Variants in KMT2C observed in about 807,000 individuals in gnomAD.
The protein encoded by KMT2C is histone-lysine N-methyltransferase 2C.
A neutral mutation model predicts 507.9 loss-of-function variants in KMT2C; 88 were observed. The observed-to-expected ratio is 0.17, with a 90% CI of 0.15 to 0.21. KMT2C has a LOEUF of 0.21. Ranked by LOEUF, KMT2C falls within the 10% of genes least tolerant of loss-of-function variation. The pLI is 1.00. For synonymous variants in KMT2C, 2,049 were observed against 2,080.8 expected, an observed-to-expected ratio of 0.98 and a Z score of 0.42; for missense variants, 4,954 against 5,957.8, an observed-to-expected ratio of 0.83 and a Z score of 5.55.
chr7:152,147,124 T>C (rs1268936099), intron 52 of KMT2C, among the ~76,000 whole-genome samples: 2 of 152,220 alleles, frequency 1.3e-5, no homozygotes, highest in Non-Finnish European at 2.9e-5. Context: ...TAAATTGATA[T>C]TTTCTTTGGA....
intron 1 of KMT2C, among the ~76,000 whole-genome samples, chr7:152,434,568 C>G (rs1388081821): frequency 6.6e-6 from 1 of 152,130 alleles, no homozygotes; most frequent in Non-Finnish European, 1.5e-5. Flanking sequence ...CTTCCACTCC[C>G]GACAGTTCAA....
intron 1 of KMT2C, among the ~76,000 whole-genome samples, chr7:152,364,506 G>T (rs995303163): frequency 6.6e-6 from 1 of 151,824 alleles, no homozygotes; most frequent in South Asian, 2.1e-4. Flanking sequence ...CTATTTGGGA[G>T]GCTGAGGCAG....
chr7:152,435,536 G>T, intron 1 of KMT2C, 90 bp downstream of exon 1: 2 of 726,150 alleles, frequency 2.8e-6, no homozygotes, highest in Non-Finnish European at 3.4e-6. Context: ...GGGGCGCCGG[G>T]GCGCGGAGGC....
At chr7:152,380,328 G>A (rs1411156513) in intron 1 of KMT2C, among the ~76,000 whole-genome samples, 1 of 152,148 alleles carries the variant, frequency 6.6e-6, no homozygotes, top group Admixed American at 6.5e-5. Context: ...AGCACTTTGG[G>A]AGGCCGAGGC....
At position 152,182,020 on chromosome 7, in the gene KMT2C, G is replaced by A. The variant is rs756054369; in HGVS notation, c.5840C>T (p.Ser1947Phe). 6.2e-7 allele frequency: 1 copy of A among 1,614,032 alleles called. No homozygotes were observed. The highest frequency in any genetic ancestry group is 8.5e-7 in the Non-Finnish European group (1 of 1,180,022). ...QMNETTANRP[S>F]PVRDLCSSST... ...AGAAGAACATAAATCTCTGACAGGG[G>A]ATGGCCTATTTGCTGTTGTCTCATT... Residue 1947 changes from serine to phenylalanine, a missense_variant, in exon 36 of 59, where the codon TCC becomes TTC. By Grantham distance (155) the Ser-to-Phe change is radical. Around this residue, in one of 29 missense-constraint regions of KMT2C, gnomAD observed 1,689 missense variants for 1,654.3 expected, o/e 1.02. Transcript: ENST00000262189.
In KMT2C at chr7:152,185,542, G is replaced by C; in HGVS notation, c.5082+16C>G. On this transcript the variant is annotated intron_variant, in intron 34 of 58. Coordinates refer to ENST00000262189, the MANE Select transcript of KMT2C (RefSeq NM_170606.3). ...GTATTTAAATATTTAAAAGATAGAG[G>C]AGTTTCTTAAAATACCACATATGGT... 4 of 1,593,142 alleles carry C rather than the reference G, an allele frequency of 2.5e-6. No individual in the cohort carries two copies. Among genetic ancestry groups the C allele is most frequent in the South Asian group, 1.1e-5 (1 of 90,616 alleles).
rs374930820 is a variant in KMT2C at position 152,187,489 on chromosome 7, A to T, written c.4794-13T>A. The T allele has an allele frequency of 1.4e-4, 228 of 1,595,200 alleles. No individual in the cohort carries two copies. Among genetic ancestry groups the T allele is most frequent in the Non-Finnish European group, 1.9e-4 (223 of 1,163,338 alleles). On this transcript the variant is annotated splice_polypyrimidine_tract_variant and intron_variant, in intron 32 of 58. Coordinates refer to ENST00000262189, the MANE Select transcript of KMT2C (RefSeq NM_170606.3). The stretch of plus-strand genomic sequence containing the variant: ...TGAATTTTTATCCCTGGGAAAAAAT[A>T]AATATCTTTACTTTATGAACATAAA...
intron 27 of KMT2C, among the ~76,000 whole-genome samples, chr7:152,198,106 T>C (rs911830455): frequency 3.9e-4 from 59 of 152,194 alleles, no homozygotes; most frequent in African/African-American, 1.4e-3. Flanking sequence ...CCCACAGGTC[T>C]TTCATTATAC....
rs570117420 is a variant in KMT2C, at chr7:152,391,774, G to A, written c.162-33099C>T. Among the ~76,000 whole-genome samples, 91 of 152,216 alleles carry A rather than the reference G, an allele frequency of 6.0e-4. 2 individuals carry two copies. In the Middle Eastern group the frequency reaches 0.02, roughly 34 times the overall value. On this transcript the variant is annotated intron_variant, in intron 1 of 58. Coordinates refer to ENST00000262189, the MANE Select transcript of KMT2C (RefSeq NM_170606.3). ...CTGGTCTCGGCCTCAGCCTCCCAAA[G>A]TGCTGGGATTACAGGCGTGAGCCAC... is the stretch of plus-strand genomic sequence containing the variant.
At chr7:152,297,047 A>AGACAGAGAGAGAGAG (rs1563766837) in intron 6 of KMT2C, among the ~76,000 whole-genome samples, 1 of 68,930 alleles carries the variant, frequency 1.5e-5, no homozygotes, top group African/African-American at 5.7e-5. Flanking sequence ...GAAAGAAAGA[A>AGACAGAGAGAGAGAG]AGAAAGACAG....
chr7:152,274,042 C>G, intron 6 of KMT2C, among the ~76,000 whole-genome samples, 175 bp from the exon 7 acceptor site: 1 of 150,026 alleles, frequency 6.7e-6, no homozygotes, highest in East Asian at 2.0e-4. Flanking sequence ...CTCAATTTAG[C>G]GCTTCGTGTG....
intron 1 of KMT2C, chr7:152,367,977 C>A: frequency 1.1e-6 from 1 of 891,446 alleles, no homozygotes; most frequent in Non-Finnish European, 1.8e-6. Flanking sequence ...GTTTAAAAAA[C>A]AGATAATGAA....
intron 6 of KMT2C, among the ~76,000 whole-genome samples, chr7:152,289,825 T>C (rs936549780): frequency 1.1e-4 from 16 of 152,082 alleles, no homozygotes; most frequent in Non-Finnish European, 1.8e-4. Context: ...CACTTTGGGA[T>C]CACTGGAGGC....
chr7:152,368,774 T>C, intron 1 of KMT2C: 1 of 764,852 alleles, frequency 1.3e-6, no homozygotes, highest in Non-Finnish European at 2.1e-6. Flanking sequence ...ATGATGGATT[T>C]AACAGCGTGA....
intron 14 of KMT2C, among the ~76,000 whole-genome samples, chr7:152,243,039 T>A (rs922567908): frequency 1.3e-5 from 2 of 152,212 alleles, no homozygotes; most frequent in African/African-American, 4.8e-5. Flanking sequence ...GTAAATATAA[T>A]CACTTGTATA....
chr7:152,253,253 G>T (rs938187952), intron 9 of KMT2C, among the ~76,000 whole-genome samples: 1 of 151,960 alleles, frequency 6.6e-6, no homozygotes, highest in Non-Finnish European at 1.5e-5. Flanking sequence ...AGGGAATGGG[G>T]ATATCCAGGA....
Position 152,311,945 on chromosome 7 carries a change from C to T in KMT2C, c.592G>A (p.Glu198Lys). 1 of 1,538,240 alleles carries T rather than the reference C, an allele frequency of 6.5e-7. No homozygotes were observed. Among genetic ancestry groups the T allele is most frequent in the Non-Finnish European group, 8.8e-7 (1 of 1,132,694 alleles). The change falls in exon 5 of 59, where the codon GAA becomes AAA. Residue 198 changes from glutamate to lysine, a missense_variant and splice_region_variant. Around this residue, in one of 29 missense-constraint regions of KMT2C, gnomAD observed 233 missense variants for 263.6 expected, o/e 0.88. Transcript: ENST00000262189. ...APRKQRGQRK[E>K]RSPQQNIVSC... ...ACTATATTCTGCTGAGGAGATCGTT[C>T]TCTGAAAATAAAATAAAATAACTGT... is the stretch of plus-strand genomic sequence containing the variant.
intron 26 of KMT2C, among the ~76,000 whole-genome samples, chr7:152,201,118 T>A (rs2094123167): frequency 6.6e-6 from 1 of 152,168 alleles, no homozygotes; most frequent in Non-Finnish European, 1.5e-5. Flanking sequence ...AAGAATTCTG[T>A]CTAATGACTC....
chr7:152,273,483 A>G (rs1345866161), intron 7 of KMT2C, among the ~76,000 whole-genome samples: 1 of 152,072 alleles, frequency 6.6e-6, no homozygotes, highest in African/African-American at 2.4e-5. Flanking sequence ...TGCAAACTTT[A>G]TTTGATTTTT....
Sources: allele counts gnomAD v4.1 joint callset (sites outside exome capture counted in the v4.1 genomes callset), GRCh38; gene constraint gnomAD v4.1.1; regional missense constraint gnomAD v4.1.1; transcripts MANE v1.5; gene names NCBI Gene and HGNC (gene_info 2026-07-23, HGNC 2026-07-21).